The following PCDHGA12 variants were observed in gnomAD, a reference collection of about 807,000 sequenced individuals.
PCDHGA12 encodes the protein protocadherin gamma-A12.
In PCDHGA12, 43 loss-of-function variants were observed where a neutral mutation model predicts 61.1. The observed-to-expected ratio is 0.70, with a 90% CI of 0.55 to 0.91. The LOEUF is 0.91. Ranked by LOEUF, PCDHGA12 falls within the 40% of genes least tolerant of loss-of-function variation. PCDHGA12 has a pLI of 0.00. For synonymous variants in PCDHGA12, 520 were observed against 542.9 expected (o/e 0.96, Z 0.59); for missense variants, 1,236 against 1,227.7 (o/e 1.01, Z -0.10).
In PCDHGA12 at chr5:141,432,296, G is replaced by A. The variant is rs895669878; in HGVS notation, c.1537G>A (p.Val513Ile). The A allele has an allele frequency of 2.5e-6, 4 of 1,614,106 alleles. No homozygotes were observed. The highest frequency in any genetic ancestry group is 1.1e-5 in the South Asian group (1 of 91,082). ...SYVSINSDTG[V>I]LYALSSFDYE... is the part of the protein sequence containing the mutation. The stretch of plus-strand genomic sequence containing the variant: ...CGTGTCCATCAACTCCGACACTGGG[G>A]TACTGTATGCGCTGAGCTCCTTCGA... The change falls in exon 1 of 4, where the codon GTA becomes ATA. Residue 513 changes from valine to isoleucine, a missense_variant. By Grantham distance (29) the Val-to-Ile change is conservative. Transcript: ENST00000252085. The surrounding 1 kb of genome is among the most constrained non-coding windows in gnomAD (Gnocchi z 6.0).
chr5:141,498,254 G>A (rs550611179), intron 2 of PCDHGA12, among the ~76,000 whole-genome samples: 2 of 152,338 alleles, frequency 1.3e-5, no homozygotes, highest in East Asian at 3.9e-4. Context: ...AGCAGGGCTG[G>A]TGTTGAGTTC....
intron 2 of PCDHGA12, among the ~76,000 whole-genome samples, chr5:141,503,269 C>T (rs1161751693): frequency 6.6e-6 from 1 of 152,116 alleles, no homozygotes; most frequent in Non-Finnish European, 1.5e-5. Flanking sequence ...ACCCCAGCAC[C>T]TGGCTCTGTG....
chr5:141,478,259 T>A lies in PCDHGA12; in HGVS notation c.2425-16548T>A, dbSNP rs534973741. ...GGTCACAGTGTTCGGAGTAATCATA[T>A]TCAAAGTTTACAAGTGGAAGCAGTC... On this transcript the variant is annotated intron_variant, in intron 1 of 3. Transcript: ENST00000252085. 3.2e-5 allele frequency: 52 copies of A among 1,614,064 alleles called. No individual in the cohort carries two copies. The highest frequency in any genetic ancestry group is 4.4e-5 in the Non-Finnish European group (52 of 1,180,048).
In PCDHGA12 at chr5:141,476,432, G is replaced by A. The variant is rs139089802; in HGVS notation, c.2425-18375G>A. 15 of 1,614,116 alleles carry A rather than the reference G, an allele frequency of 9.3e-6. No individual in the cohort carries two copies. The East Asian group carries it at 3.3e-4, about 36-fold the overall frequency. Reference sequence around the variant, plus strand: ...GTGTGGGACACTGCCCTCTTGCACTGTAACTCTGGAGTTGGTAGTGGAGAA... The same window carrying A: ...GTGTGGGACACTGCCCTCTTGCACTATAACTCTGGAGTTGGTAGTGGAGAA... On this transcript the variant is annotated intron_variant, in intron 1 of 3. Coordinates refer to ENST00000252085, the MANE Select transcript of PCDHGA12 (RefSeq NM_003735.3). The surrounding 1 kb of genome is among the most constrained non-coding windows in gnomAD (Gnocchi z 7.6).
intron 1 of PCDHGA12, among the ~76,000 whole-genome samples, chr5:141,458,871 T>C (rs2098955493): frequency 6.6e-6 from 1 of 152,210 alleles, no homozygotes; most frequent in African/African-American, 2.4e-5. Flanking sequence ...TAGCTGGGAC[T>C]ACAGGCATGC....
chr5:141,491,659 G>A lies in PCDHGA12; in HGVS notation c.2425-3148G>A. On this transcript the variant is annotated intron_variant, in intron 1 of 3. Transcript: ENST00000252085. This position sits in a 1 kb window ranked among gnomAD's most constrained non-coding sequence, Gnocchi z 6.9. ...CACAGCTCTGGCGCTGGAGCCTGACGCCATCCGGTCCCGCTCTAATACGCT... is the reference window on the plus strand; with the variant it reads ...CACAGCTCTGGCGCTGGAGCCTGACACCATCCGGTCCCGCTCTAATACGCT... 6.2e-7 allele frequency: 1 copy of A among 1,613,766 alleles called. No homozygotes were observed. The highest frequency in any genetic ancestry group is 8.5e-7 in the Non-Finnish European group (1 of 1,180,004).
chr5:141,476,831 G>C lies in PCDHGA12; in HGVS notation c.2425-17976G>C, dbSNP rs779348525. ...TCACATCAAGGTGCTGGACGCGAAT[G>C]ACAATGCGCCTGTCTTCAACCAGTC... On this transcript the variant is annotated intron_variant, in intron 1 of 3. Transcript: ENST00000252085. This position sits in a 1 kb window ranked among gnomAD's most constrained non-coding sequence, Gnocchi z 7.6. 1 of 1,613,504 alleles carries C rather than the reference G, an allele frequency of 6.2e-7. No homozygotes were observed. Among genetic ancestry groups the C allele is most frequent in the Non-Finnish European group, 8.5e-7 (1 of 1,180,050 alleles).
intron 1 of PCDHGA12, among the ~76,000 whole-genome samples, chr5:141,456,882 G>A (rs1039329600): frequency 6.6e-6 from 1 of 152,156 alleles, no homozygotes; most frequent in Non-Finnish European, 1.5e-5. Context: ...AGAATCGCTT[G>A]AACCCGGGAG....
Position 141,432,110 on chromosome 5 carries a change from G to A in PCDHGA12, c.1351G>A (p.Val451Ile). The change falls in exon 1 of 4, where the codon GTC (valine) becomes ATC (isoleucine). Residue 451 changes from valine (V) to isoleucine (I), a missense_variant. Val to Ile is a conservative substitution (Grantham distance 29). Coordinates refer to ENST00000252085, the MANE Select transcript of PCDHGA12 (RefSeq NM_003735.3). This position sits in a 1 kb window ranked among gnomAD's most constrained non-coding sequence, Gnocchi z 6.0. ...NVADTNDNPPVFPQASYSAYI... is the reference protein window; with the variant it reads ...NVADTNDNPPIFPQASYSAYI... ...GGCAGACACCAACGACAACCCGCCG[G>A]TCTTCCCTCAGGCCTCCTATTCCGC... 6.2e-7 allele frequency: 1 copy of A among 1,614,108 alleles called. No individual in the cohort carries two copies. Among genetic ancestry groups the A allele is most frequent in the Non-Finnish European group, 8.5e-7 (1 of 1,180,036 alleles).
At chr5:141,433,298 A>G in intron 1 of PCDHGA12, 115 bp downstream of exon 1, 7 of 1,015,894 alleles carry the variant, frequency 6.9e-6, no homozygotes, top group Non-Finnish European at 1.0e-5. Context: ...GGCTCAAGCA[A>G]TTATCCCACC....
In PCDHGA12 at chr5:141,486,077, C is replaced by T; in HGVS notation, c.2425-8730C>T. 6.2e-7 allele frequency: 1 copy of T among 1,614,186 alleles called. No individual in the cohort carries two copies. The highest frequency in any genetic ancestry group is 8.5e-7 in the Non-Finnish European group (1 of 1,180,024). ...TAGCCTGCACCCCACTACTGGAAAG[C>T]TTACTCTTTTGGGGCCCCTAGACTT... On this transcript the variant is annotated intron_variant, in intron 1 of 3. Coordinates refer to ENST00000252085, the MANE Select transcript of PCDHGA12 (RefSeq NM_003735.3). The surrounding 1 kb of genome is among the most constrained non-coding windows in gnomAD (Gnocchi z 5.0).
intron 1 of PCDHGA12, among the ~76,000 whole-genome samples, chr5:141,455,125 A>G (rs952979433): frequency 3.5e-4 from 53 of 151,762 alleles, no homozygotes; most frequent in Non-Finnish European, 1.0e-4. Flanking sequence ...CTAATGTTTT[A>G]AATTACACTG....
chr5:141,510,954 T>G lies in PCDHGA12; in HGVS notation c.2580T>G (p.Ala860=), dbSNP rs774590102. The change falls in exon 4 of 4, where the codon GCT becomes GCG. Residue 860 remains alanine, a synonymous_variant. Coordinates refer to ENST00000252085, the MANE Select transcript of PCDHGA12 (RefSeq NM_003735.3). ...AMILASASEA[A]DGSSTLGGGA... ...CTTCCTCTGTCTCTGCAGAAGCTGC[T>G]GATGGGAGCTCCACCCTGGGAGGGG... is the stretch of plus-strand genomic sequence containing the variant. The G allele has an allele frequency of 3.1e-6, 5 of 1,614,162 alleles. No homozygotes were observed. The Admixed American group carries it at 8.3e-5, about 27-fold the overall frequency.
intron 1 of PCDHGA12, among the ~76,000 whole-genome samples, chr5:141,443,696 T>C (rs1293017505): frequency 6.6e-6 from 1 of 152,308 alleles, no homozygotes; most frequent in Admixed American, 6.5e-5. Context: ...TCAAAAATTA[T>C]AGAATAACAT....
In PCDHGA12 at chr5:141,477,982, G is replaced by A; in HGVS notation, c.2425-16825G>A. ...CTAACCAGAGCCTTTTTGCCATAGG[G>A]CTGCACACTGGTCAAATCAGTACTG... is the stretch of plus-strand genomic sequence containing the variant. On this transcript the variant is annotated intron_variant, in intron 1 of 3. Transcript: ENST00000252085. The surrounding 1 kb of genome is among the most constrained non-coding windows in gnomAD (Gnocchi z 4.9). 6.2e-7 allele frequency: 1 copy of A among 1,614,066 alleles called. No individual in the cohort carries two copies. Among genetic ancestry groups the A allele is most frequent in the Non-Finnish European group, 8.5e-7 (1 of 1,180,014 alleles).
Position 141,432,477 on chromosome 5 carries a change from C to G in PCDHGA12, c.1718C>G (p.Thr573Ser). The change falls in exon 1 of 4, where the codon ACT becomes AGT. Residue 573 changes from threonine to serine, a missense_variant. Physicochemically the swap from Thr to Ser is moderately conservative, Grantham distance 58. Coordinates refer to ENST00000252085, the MANE Select transcript of PCDHGA12 (RefSeq NM_003735.3). This position sits in a 1 kb window ranked among gnomAD's most constrained non-coding sequence, Gnocchi z 6.0. The part of the protein sequence containing the change: ...LYPALPTDGS[T>S]GVELAPRSAE... ...CCCGCCCTCCCCACGGACGGTTCCA[C>G]TGGCGTGGAGCTGGCTCCCCGCTCC... 3 of 1,614,212 alleles carry G rather than the reference C, an allele frequency of 1.9e-6. No homozygotes were observed. Among genetic ancestry groups the G allele is most frequent in the Non-Finnish European group, 1.7e-6 (2 of 1,180,044 alleles).
In PCDHGA12 at chr5:141,489,184, G is replaced by T; in HGVS notation, c.2425-5623G>T. ...TCAGCTGCTGCATTCCAAGCCCTGG[G>T]TCTACCTTGGAGACAGGACAGCACA... On this transcript the variant is annotated intron_variant, in intron 1 of 3. Transcript: ENST00000252085. This position sits in a 1 kb window ranked among gnomAD's most constrained non-coding sequence, Gnocchi z 4.5. 7.8e-7 allele frequency: 1 copy of T among 1,287,330 alleles called. No homozygotes were observed. Among genetic ancestry groups the T allele is most frequent in the Non-Finnish European group, 1.1e-6 (1 of 928,816 alleles). 79.7% of individuals were successfully genotyped at this position (1,287,330 alleles called of 1,614,324 possible).
rs751153896 is a variant in PCDHGA12, at chr5:141,477,514, T to C, written c.2425-17293T>C. On this transcript the variant is annotated intron_variant, in intron 1 of 3. Transcript: ENST00000252085. The surrounding 1 kb of genome is among the most constrained non-coding windows in gnomAD (Gnocchi z 4.9). ...CTCAATCTTCCTACGACGTTTACAT[T>C]GAAGAAAACAACCTCCCCGGGGCTC... is the stretch of plus-strand genomic sequence containing the variant. 2 of 1,614,114 alleles carry C rather than the reference T, an allele frequency of 1.2e-6. No individual in the cohort carries two copies. The highest frequency in any genetic ancestry group is 2.2e-5 in the East Asian group (1 of 44,878).
At position 141,431,317 on chromosome 5, in the gene PCDHGA12, C is replaced by T. The variant is rs778667104; in HGVS notation, c.558C>T (p.Ala186=). ...TCTCCCTCATCGTGCAAAATGGAGC[C>T]GACGGTAGTAAGTACCCCGAATTGG... ...THFSLIVQNG[A]DGSKYPELVL... The change falls in exon 1 of 4, where the codon GCC becomes GCT. Residue 186 remains alanine (A), a synonymous_variant. Coordinates refer to ENST00000252085, the MANE Select transcript of PCDHGA12 (RefSeq NM_003735.3). This position sits in a 1 kb window ranked among gnomAD's most constrained non-coding sequence, Gnocchi z 4.8. The T allele has an allele frequency of 6.2e-6, 10 of 1,613,964 alleles. No homozygotes were observed. The highest frequency in any genetic ancestry group is 7.6e-6 in the Non-Finnish European group (9 of 1,180,046).
Sources: gnomAD v4.1 joint callset for allele counts (sites outside exome capture counted in the v4.1 genomes callset) on GRCh38, gnomAD v4.1.1 for gene constraint, Gnocchi (gnomAD v3.1) non-coding constraint, MANE v1.5 for transcripts, NCBI Gene and HGNC (gene_info 2026-07-23, HGNC 2026-07-21) for gene names.